PTPRN2: variants seen among roughly 807,000 people sequenced by gnomAD.
The protein encoded by PTPRN2 is receptor-type tyrosine-protein phosphatase N2.
Under a neutral mutation model 118.8 loss-of-function variants are expected in PTPRN2, and 74 were observed. The observed-to-expected ratio is 0.62, with a 90% CI of 0.52 to 0.76. The LOEUF (loss-of-function observed/expected upper bound fraction) is 0.76. Ranked by LOEUF, PTPRN2 falls within the 30% of genes least tolerant of loss-of-function variation. PTPRN2 has a pLI of 0.00. For missense variants in PTPRN2, 1,481 were observed against 1,394.4 expected (o/e 1.06, Z -0.99); for synonymous variants, 641 against 608.0 (o/e 1.05, Z -0.80).
chr7:157,642,130 A>T (rs189653104), intron 14 of PTPRN2, among the ~76,000 whole-genome samples: 1 of 152,312 alleles, frequency 6.6e-6, no homozygotes, highest in Non-Finnish European at 1.5e-5. Context: ...CTAGCAAAAG[A>T]ATGCAGCTTG....
chr7:158,392,411 G>A (rs142247162), intron 2 of PTPRN2, among the ~76,000 whole-genome samples: 2,988 of 152,312 alleles, frequency 0.02, 31 homozygotes, highest in Non-Finnish European at 0.024. Context: ...CAGCTCACAC[G>A]AGGAGAGGGC....
intron 2 of PTPRN2, among the ~76,000 whole-genome samples, chr7:158,400,517 A>G (rs1040711235): frequency 6.6e-6 from 1 of 152,150 alleles, no homozygotes; most frequent in Admixed American, 6.5e-5. Flanking sequence ...CTGAGCTCCA[A>G]AGCCATCCTG....
intron 12 of PTPRN2, among the ~76,000 whole-genome samples, chr7:157,796,885 T>A (rs1041434565): frequency 7.9e-5 from 12 of 151,992 alleles, no homozygotes; most frequent in African/African-American, 2.9e-4. Flanking sequence ...CCAAGTCCAG[T>A]CACCACCCCC....
intron 5 of PTPRN2, among the ~76,000 whole-genome samples, chr7:158,179,133 G>A (rs1181978627): frequency 1.3e-5 from 2 of 152,192 alleles, no homozygotes; most frequent in Non-Finnish European, 2.9e-5. Flanking sequence ...CAGTGGATAA[G>A]TGTTCCCTTT....
Position 157,622,249 on chromosome 7 carries a change from T to C in PTPRN2, c.2197-740A>G, listed in dbSNP as rs1027635901. 6.6e-6 allele frequency among the ~76,000 whole-genome samples: 1 copy of C among 151,962 alleles called. No homozygotes were observed. The highest frequency in any genetic ancestry group is 1.5e-5 in the Non-Finnish European group (1 of 67,996). On this transcript the variant is annotated intron_variant, in intron 14 of 22. Transcript: ENST00000389418. This position sits in a 1 kb window ranked among gnomAD's most constrained non-coding sequence, Gnocchi z 5.3. The stretch of plus-strand genomic sequence containing the variant: ...GGCACCACAGGAAGTGACGGCCTCG[T>C]CTGCTGTCACTCTGCTTGTGGATTT...
intron 1 of PTPRN2, among the ~76,000 whole-genome samples, chr7:158,533,005 CAAGCAAACAG>C (rs1433989378): frequency 2.0e-5 from 3 of 152,172 alleles, no homozygotes; most frequent in Non-Finnish European, 4.4e-5. Flanking sequence ...AAAACAAACA[CAAGCAAACAG>C]AACAGAAATG....
At chr7:158,151,473 T>C (rs74847850) in intron 6 of PTPRN2, among the ~76,000 whole-genome samples, 422 of 111,480 alleles carry the variant, frequency 3.8e-3, no homozygotes, top group African/African-American at 0.017. Context: ...CGCCTTTCTA[T>C]TCCTGCCTCT....
chr7:157,685,167 G>C (rs1487615528), intron 12 of PTPRN2, among the ~76,000 whole-genome samples: 1 of 151,912 alleles, frequency 6.6e-6, no homozygotes, highest in South Asian at 2.1e-4. Context: ...GACCGGCGGA[G>C]GGGGCGCCCG....
intron 3 of PTPRN2, among the ~76,000 whole-genome samples, chr7:158,223,329 C>T (rs976249321): frequency 2.6e-5 from 4 of 152,080 alleles, no homozygotes; most frequent in African/African-American, 9.7e-5. Context: ...TTTTATGTAG[C>T]TAATATTAAC....
chr7:158,389,252 C>A (rs1197373468), intron 2 of PTPRN2, among the ~76,000 whole-genome samples: 1 of 152,240 alleles, frequency 6.6e-6, no homozygotes, highest in Non-Finnish European at 1.5e-5. Context: ...ACCTGCTGTA[C>A]ATAAAGTTGT....
intron 11 of PTPRN2, among the ~76,000 whole-genome samples, chr7:158,056,377 G>A (rs1260642654): frequency 6.6e-6 from 1 of 152,234 alleles, no homozygotes; most frequent in Non-Finnish European, 1.5e-5. Context: ...GCAGGCACTG[G>A]ATTTGGTGCT....
chr7:157,889,436 C>T (rs1006391646), intron 12 of PTPRN2, among the ~76,000 whole-genome samples: 2 of 152,230 alleles, frequency 1.3e-5, no homozygotes, highest in Non-Finnish European at 1.5e-5. Flanking sequence ...GACCCAACAA[C>T]CAATCAGCAT....
At chr7:158,103,868 A>AT (rs55854700) in intron 10 of PTPRN2, among the ~76,000 whole-genome samples, 1,820 of 147,224 alleles carry the variant, frequency 0.012, 18 homozygotes, top group Non-Finnish European at 0.019. Context: ...GATTATTATT[A>AT]TTTTTTTTTT....
intron 12 of PTPRN2, among the ~76,000 whole-genome samples, chr7:157,879,682 G>A (rs1796005325): frequency 6.6e-6 from 1 of 151,932 alleles, no homozygotes; most frequent in South Asian, 2.1e-4. Context: ...GTGAACCCCA[G>A]CATTGGTGGC....
At position 157,609,486 on chromosome 7, in the gene PTPRN2, G is replaced by A. The variant is rs1439239423; in HGVS notation, c.2345-5411C>T. On this transcript the variant is annotated intron_variant, in intron 15 of 22. Coordinates refer to ENST00000389418, the MANE Select transcript of PTPRN2 (RefSeq NM_002847.5). This position sits in a 1 kb window ranked among gnomAD's most constrained non-coding sequence, Gnocchi z 4.9. ...CCTCTTCTCTCATCCTGGACCCAGTGGCCATCCTGGACCACGGACAGAACA... is the reference window on the plus strand; with the variant it reads ...CCTCTTCTCTCATCCTGGACCCAGTAGCCATCCTGGACCACGGACAGAACA... 6.6e-6 allele frequency among the ~76,000 whole-genome samples: 1 copy of A among 152,072 alleles called. No individual in the cohort carries two copies. Among genetic ancestry groups the A allele is most frequent in the Non-Finnish European group, 1.5e-5 (1 of 68,002 alleles).
At chr7:158,473,661 CA>C (rs1251139501) in intron 2 of PTPRN2, among the ~76,000 whole-genome samples, 1 of 152,234 alleles carries the variant, frequency 6.6e-6, no homozygotes, top group Non-Finnish European at 1.5e-5. Context: ...AGGACACTGT[CA>C]GCCTCAGAAA....
intron 2 of PTPRN2, among the ~76,000 whole-genome samples, chr7:158,475,772 C>T (rs1401176721): frequency 6.6e-6 from 1 of 152,164 alleles, no homozygotes; most frequent in Non-Finnish European, 1.5e-5. Flanking sequence ...TCTTGGTTAA[C>T]GGGTAATTTA....
chr7:158,569,538 G>A (rs890078831), intron 1 of PTPRN2, among the ~76,000 whole-genome samples: 1 of 152,222 alleles, frequency 6.6e-6, no homozygotes, highest in African/African-American at 2.4e-5. Flanking sequence ...CTGCTCTCAG[G>A]GTCCTGCTGG....
chr7:158,333,898 A>G (rs200921479), intron 2 of PTPRN2, among the ~76,000 whole-genome samples: 48 of 114,156 alleles, frequency 4.2e-4, no homozygotes, highest in East Asian at 1.2e-3. Flanking sequence ...AAGAGCTGAC[A>G]CCCGCAGACG....
Sources: gnomAD v4.1 joint callset for allele counts (sites outside exome capture counted in the v4.1 genomes callset) on GRCh38, gnomAD v4.1.1 for gene constraint, Gnocchi (gnomAD v3.1) non-coding constraint, MANE v1.5 for transcripts, NCBI Gene and HGNC (gene_info 2026-07-23, HGNC 2026-07-21) for gene names.